RBM11: variants seen among roughly 807,000 people sequenced by gnomAD.
RBM11 encodes splicing regulator RBM11.
A neutral mutation model predicts 21.4 loss-of-function variants in RBM11; 18 were observed. The observed-to-expected ratio is 0.84, with a 90% CI of 0.58 to 1.25. The LOEUF (loss-of-function observed/expected upper bound fraction) is 1.25, where lower values mean the gene tolerates loss of function less well. RBM11 is among the 50% of genes most tolerant of loss of function. RBM11 has a pLI of 0.00. For synonymous variants in RBM11, 120 were observed against 116.3 expected (o/e 1.03, Z -0.20); for missense variants, 294 against 331.9 (o/e 0.89, Z 0.89).
chr21:14,224,300 C>A, intron 3 of RBM11, 138 bp from the exon 4 acceptor site: 6 of 1,294,964 alleles, frequency 4.6e-6, no homozygotes, highest in Non-Finnish European at 5.2e-6. Flanking sequence ...GCCCATCACA[C>A]TTCTGAATTT....
At chr21:14,216,358 G>A (rs959628276) in intron 1 of RBM11, 76 bp downstream of exon 1, 1 of 1,254,322 alleles carries the variant, frequency 8.0e-7, no homozygotes, top group Non-Finnish European at 1.1e-6. Flanking sequence ...TGGACCACCC[G>A]GAGCCCGGCC....
intron 1 of RBM11, among the ~76,000 whole-genome samples, chr21:14,218,102 A>G (rs1433700420): frequency 6.6e-6 from 1 of 152,124 alleles, no homozygotes; most frequent in Admixed American, 6.5e-5. Context: ...CAACTATCAC[A>G]CTATGTATTT....
intron 4 of RBM11, 136 bp from the exon 5 acceptor site, chr21:14,226,744 T>C: frequency 1.7e-6 from 2 of 1,188,182 alleles, no homozygotes; most frequent in Non-Finnish European, 2.3e-6. Context: ...CTTTCTACTA[T>C]GAGAGGTCAC....
chr21:14,221,192 T>C, intron 3 of RBM11, 23 bp downstream of exon 3: 1 of 1,528,038 alleles, frequency 6.5e-7, no homozygotes, highest in Non-Finnish European at 8.8e-7. Context: ...ATATTTCTCA[T>C]CAAAGGTAAA....
chr21:14,222,145 G>T (rs974159423), intron 3 of RBM11, among the ~76,000 whole-genome samples: 1 of 151,430 alleles, frequency 6.6e-6, no homozygotes, highest in African/African-American at 2.4e-5. Context: ...GGTACTGTCT[G>T]GTTAACTTAC....
In RBM11 at chr21:14,227,802, T is replaced by C. The variant is rs1220756330; in HGVS notation, c.*509T>C. On this transcript the variant is annotated 3_prime_UTR_variant, in exon 5 of 5. Coordinates refer to ENST00000400577, the MANE Select transcript of RBM11 (RefSeq NM_144770.5). ...TCTTTTAGTACCTAAATATGTTGTT[T>C]CTGAGCCATATTCTTCTTCAGGTTT... 1 of 153,152 alleles carries C rather than the reference T, an allele frequency of 6.5e-6. No homozygotes were observed. Among genetic ancestry groups the C allele is most frequent in the African/African-American group, 2.4e-5 (1 of 41,468 alleles). 9.5% of individuals were successfully genotyped at this position (153,152 alleles called of 1,614,324 possible). A position where few individuals can be genotyped will look rare whatever the true frequency, so the allele number is the denominator to read the frequency against.
rs2020437889 is a variant in RBM11 at position 14,216,211 on chromosome 21, G to C, written c.25G>C (p.Asp9His). 6.2e-7 allele frequency: 1 copy of C among 1,613,776 alleles called. No individual in the cohort carries two copies. Among genetic ancestry groups the C allele is most frequent in the East Asian group, 2.2e-5 (1 of 44,852 alleles). The change falls in exon 1 of 5, where the codon GAC becomes CAC. Residue 9 changes from aspartate to histidine, a missense_variant. Physicochemically the swap from Asp to His is moderately conservative, Grantham distance 81. Around this residue, in one of 2 missense-constraint regions of RBM11, gnomAD observed 181 missense variants for 164.6 expected, o/e 1.10. Coordinates refer to ENST00000400577, the MANE Select transcript of RBM11 (RefSeq NM_144770.5). MFPAQEEA[D>H]RTVFVGNLEA... ...GATGTTCCCTGCTCAGGAGGAGGCC[G>C]ACAGGACCGTGTTTGTTGGGAATTT...
rs772515884 is a variant in RBM11 at position 14,216,180 on chromosome 21, C to G, written c.-7C>G. ...CTCCTACTTCATTCTACGGCCGAGACCGGAGGATGTTCCCTGCTCAGGAGG... is the reference window on the plus strand; with the variant it reads ...CTCCTACTTCATTCTACGGCCGAGAGCGGAGGATGTTCCCTGCTCAGGAGG... On this transcript the variant is annotated 5_prime_UTR_variant, in exon 1 of 5. Transcript: ENST00000400577. The G allele has an allele frequency of 6.2e-7, 1 of 1,611,786 alleles. No homozygotes were observed. The highest frequency in any genetic ancestry group is 8.5e-7 in the Non-Finnish European group (1 of 1,178,586).
intron 4 of RBM11, among the ~76,000 whole-genome samples, chr21:14,226,648 A>G (rs1178473636): frequency 6.6e-6 from 1 of 151,310 alleles, no homozygotes; most frequent in African/African-American, 2.4e-5. Flanking sequence ...AACAAAAACT[A>G]TTTCCATTGG....
In RBM11 at chr21:14,227,768, G is replaced by A. The variant is rs1423674832; in HGVS notation, c.*475G>A. ...ATGAGGATGTAATAAACAGGCATTA[G>A]TACCCCTTTCTTTTAGTACCTAAAT... On this transcript the variant is annotated 3_prime_UTR_variant, in exon 5 of 5. Transcript: ENST00000400577. The A allele has an allele frequency of 6.5e-6, 1 of 154,214 alleles. No homozygotes were observed. The highest frequency in any genetic ancestry group is 1.9e-4 in the East Asian group (1 of 5,246). 9.6% of individuals were successfully genotyped at this position (154,214 alleles called of 1,614,324 possible).
chr21:14,220,612 C>T (rs1978589435), intron 2 of RBM11, among the ~76,000 whole-genome samples: 1 of 152,140 alleles, frequency 6.6e-6, no homozygotes, highest in African/African-American at 2.4e-5. Context: ...TTAACTTACA[C>T]AACCTGGTAT....
chr21:14,216,419 C>A, intron 1 of RBM11, 137 bp downstream of exon 1: 1 of 685,700 alleles, frequency 1.5e-6, no homozygotes, highest in Non-Finnish European at 2.5e-6. Context: ...CCTCTTGGCG[C>A]ACCTGTCTCC....
At position 14,219,561 on chromosome 21, in the gene RBM11, A is replaced by G. The variant is rs1193255532; in HGVS notation, c.97-2A>G. The G allele has an allele frequency of 5.4e-6, 8 of 1,473,392 alleles. No homozygotes were observed. The highest frequency in any genetic ancestry group is 6.4e-6 in the Non-Finnish European group (7 of 1,098,914). The allele number at this position is 1,473,392 out of a possible 1,614,324, so 91.3% of individuals were successfully genotyped here. On this transcript the variant is annotated splice_acceptor_variant, in intron 1 of 4. Coordinates refer to ENST00000400577, the MANE Select transcript of RBM11 (RefSeq NM_144770.5). LOFTEE classifies it high-confidence loss of function. ...AGAAAATAATTTTTAAGTTTCTTAT[A>G]GGCGGGGCCACTAACCAAAGTGACT...
Position 14,224,489 on chromosome 21 carries a change from A to G in RBM11, c.384A>G (p.Pro128=). Residue 128 remains proline, a synonymous_variant, in exon 4 of 5, where the codon CCA becomes CCG. Transcript: ENST00000400577. ...CTTCCTTTCCCATGCAGTATTTTCC[A>G]ATTAATAATACTTCTTTACCTCAAG... The part of the protein sequence containing the change: ...GRSSFPMQYF[P]INNTSLPQEY... The G allele has an allele frequency of 6.4e-7, 1 of 1,561,808 alleles. No homozygotes were observed.
chr21:14,227,089 C>T lies in RBM11; in HGVS notation c.642C>T (p.Ser214=). ...APLPNSASVS[S]SLNHVPDLEA... Reference sequence around the variant, plus strand: ...TTCCTAATAGTGCATCCGTGTCTTCCTCACTGAATCATGTTCCAGATCTTG... The same window carrying T: ...TTCCTAATAGTGCATCCGTGTCTTCTTCACTGAATCATGTTCCAGATCTTG... Residue 214 remains serine, a synonymous_variant, in exon 5 of 5, where the codon TCC becomes TCT. Transcript: ENST00000400577. The T allele has an allele frequency of 6.2e-7, 1 of 1,613,372 alleles. No individual in the cohort carries two copies. The highest frequency in any genetic ancestry group is 8.5e-7 in the Non-Finnish European group (1 of 1,179,810).
chr21:14,223,650 AG>A (rs1386111249), intron 3 of RBM11, among the ~76,000 whole-genome samples: 1 of 152,154 alleles, frequency 6.6e-6, no homozygotes, highest in African/African-American at 2.4e-5. Context: ...ACCATACTGT[AG>A]TTTGAATGTG....
chr21:14,216,368 C>A (rs1286379977), intron 1 of RBM11, 86 bp downstream of exon 1: 7 of 1,058,924 alleles, frequency 6.6e-6, no homozygotes, highest in Non-Finnish European at 8.6e-6. Context: ...GGAGCCCGGC[C>A]CCCTTCCGTC....
intron 1 of RBM11, among the ~76,000 whole-genome samples, chr21:14,219,151 G>A (rs548936727): frequency 1.7e-4 from 26 of 152,062 alleles, no homozygotes; most frequent in Middle Eastern, 3.4e-3. Flanking sequence ...ATATAACATC[G>A]CCAGCTTTTT....
chr21:14,220,987 T>C, intron 2 of RBM11, 110 bp from the exon 3 acceptor site: 1 of 1,126,648 alleles, frequency 8.9e-7, no homozygotes, highest in Non-Finnish European at 1.2e-6. Flanking sequence ...AGTACAGAAT[T>C]TTAAAATCAC....
Sources: gnomAD v4.1 joint callset for allele counts (sites outside exome capture counted in the v4.1 genomes callset) on GRCh38, gnomAD v4.1.1 for gene constraint, gnomAD v4.1.1 regional missense constraint, MANE v1.5 for transcripts, NCBI Gene and HGNC (gene_info 2026-07-23, HGNC 2026-07-21) for gene names.